Variants in RIF1 observed in about 807,000 individuals in gnomAD.
RIF1 encodes the protein telomere-associated protein RIF1.
In RIF1, 45 loss-of-function variants were observed where a neutral mutation model predicts 247.1. The observed-to-expected ratio is 0.18, with a 90% CI of 0.14 to 0.23. The LOEUF is 0.23. Among genes scored for constraint, RIF1 ranks in the 10% least tolerant of loss-of-function variants. The probability of loss-of-function intolerance (pLI) is 1.00; values close to 1 mark genes in which losing one functional copy is unlikely to be tolerated. For missense variants in RIF1, 2,967 were observed against 2,862.5 expected (o/e 1.04, Z -0.83); for synonymous variants, 1,087 against 978.8 (o/e 1.11, Z -2.06).
At chr2:151,432,584 A>G (rs1690362903) in intron 9 of RIF1, among the ~76,000 whole-genome samples, 1 of 152,218 alleles carries the variant, frequency 6.6e-6, no homozygotes, top group African/African-American at 2.4e-5. Flanking sequence ...GCCTTTTTTG[A>G]CATAATGTAA....
At chr2:151,496,636 G>A (rs73005917) in intron 10 of RIF1, among the ~76,000 whole-genome samples, 9,317 of 151,876 alleles carry the variant, frequency 0.061, 939 homozygotes, top group African/African-American at 0.21. Context: ...TTGTGAGTAC[G>A]GTGCCTCCTA....
At chr2:151,442,525 T>C (rs567767860) in intron 16 of RIF1, among the ~76,000 whole-genome samples, 4 of 151,754 alleles carry the variant, frequency 2.6e-5, no homozygotes, top group Admixed American at 2.6e-4. Flanking sequence ...ATGAAAAAAC[T>C]ATTTTCCTGG....
chr2:151,511,670 C>T (rs1234205204), downstream of RIF1, among the ~76,000 whole-genome samples: 2 of 152,190 alleles, frequency 1.3e-5, no homozygotes, highest in African/African-American at 4.8e-5. Flanking sequence ...GACTCCTGAC[C>T]ATCACTGACA....
At position 151,475,383 on chromosome 2, in the gene RIF1, C is replaced by T. The variant is rs770149482; in HGVS notation, c.*312C>T. 16 of 277,664 alleles carry T rather than the reference C, an allele frequency of 5.8e-5. No individual in the cohort carries two copies. The highest frequency in any genetic ancestry group is 1.3e-3 in the Middle Eastern group (1 of 796). The allele number at this position is 277,664 out of a possible 1,614,324, so 17.2% of individuals were successfully genotyped here. On this transcript the variant is annotated 3_prime_UTR_variant, in exon 36 of 36. Transcript: ENST00000444746. The stretch of plus-strand genomic sequence containing the variant: ...ATTTTATTTCATGCTTTCTTAAACC[C>T]GTGCATATTCTGGTGAAACATGTAA...
chr2:151,476,861 G>C lies in RIF1; in HGVS notation c.*1790G>C, dbSNP rs2048952541. 6.6e-6 allele frequency: 1 copy of C among 152,216 alleles called. No homozygotes were observed. The highest frequency in any genetic ancestry group is 2.1e-4 in the South Asian group (1 of 4,826). The allele number at this position is 152,216 out of a possible 1,614,324, so 9.4% of individuals were successfully genotyped here. On this transcript the variant is annotated 3_prime_UTR_variant, in exon 36 of 36. Transcript: ENST00000444746. ...CAGCTATGTATATGTGTTTGGGGCAGAGGGGAGCAGATTACTTTAACACAC... is the reference window on the plus strand; with the variant it reads ...CAGCTATGTATATGTGTTTGGGGCACAGGGGAGCAGATTACTTTAACACAC...
chr2:151,438,613 G>A (rs1277895051), intron 13 of RIF1, 71 bp from the exon 14 acceptor site: 1 of 938,252 alleles, frequency 1.1e-6, no homozygotes, highest in African/African-American at 1.6e-5. Context: ...GGAAGTAAAG[G>A]GAGAGTGTTA....
chr2:151,425,755 C>T (rs1295923008), intron 8 of RIF1, among the ~76,000 whole-genome samples: 1 of 134,804 alleles, frequency 7.4e-6, no homozygotes, highest in African/African-American at 2.8e-5. Context: ...CAACCTCTGT[C>T]TCCTGGGTTC....
intron 34 of RIF1, among the ~76,000 whole-genome samples, chr2:151,470,732 A>G (rs1456907555): frequency 6.6e-6 from 1 of 152,140 alleles, no homozygotes; most frequent in Admixed American, 6.5e-5. Flanking sequence ...GTATTCTTGA[A>G]GGTCCTTGAT....
At chr2:151,474,705 T>C (rs2048843047) in intron 35 of RIF1, 152 bp from the exon 36 acceptor site, 2 of 613,344 alleles carry the variant, frequency 3.3e-6, no homozygotes, top group Non-Finnish European at 5.7e-6. Context: ...GCGGCAGCTC[T>C]GGTAGATTTT....
chr2:151,410,589 G>A (rs964030882), intron 2 of RIF1, 62 bp downstream of exon 2: 6 of 1,298,050 alleles, frequency 4.6e-6, no homozygotes, highest in Non-Finnish European at 6.6e-6. Context: ...GAAAGAAGGT[G>A]GTTGGGAGGG....
chr2:151,453,077 A>T (rs1694601292), intron 21 of RIF1, among the ~76,000 whole-genome samples: 1 of 152,172 alleles, frequency 6.6e-6, no homozygotes, highest in Non-Finnish European at 1.5e-5. Flanking sequence ...AAATTTAGAG[A>T]AATACTGCAA....
At chr2:151,503,530 C>G in intron 12 of RIF1, 1 of 795,632 alleles carries the variant, frequency 1.3e-6, no homozygotes, top group Non-Finnish European at 2.1e-6. Context: ...GGGGGAAACT[C>G]ATAAAAACAA....
chr2:151,507,477 C>T (rs1054187722), intron 13 of RIF1, among the ~76,000 whole-genome samples: 4 of 152,186 alleles, frequency 2.6e-5, no homozygotes, highest in Admixed American at 6.5e-5. Context: ...TAAGCCTCTC[C>T]TTCCAGAAGG....
chr2:151,498,570 A>G (rs986589205), intron 10 of RIF1, among the ~76,000 whole-genome samples: 1 of 152,194 alleles, frequency 6.6e-6, no homozygotes, highest in African/African-American at 2.4e-5. Flanking sequence ...ATAGGAAAAG[A>G]AAGGTTGTTA....
the RIF1 span, chr2:151,518,893 A>G: frequency 2.0e-6 from 2 of 993,642 alleles, no homozygotes; most frequent in Non-Finnish European, 3.2e-6. Flanking sequence ...AAGAAGATGC[A>G]TCTGGGCTCA....
the RIF1 span, chr2:151,519,522 A>T: frequency 2.9e-6 from 2 of 690,876 alleles, no homozygotes; most frequent in East Asian, 2.7e-5. Flanking sequence ...TTCTGTTGGT[A>T]TGAAAACATT....
chr2:151,465,587 G>A lies in RIF1; in HGVS notation c.6067G>A (p.Glu2023Lys), dbSNP rs773467800. 3 of 1,613,836 alleles carry A rather than the reference G, an allele frequency of 1.9e-6. No homozygotes were observed. Among genetic ancestry groups the A allele is most frequent in the African/African-American group, 1.3e-5 (1 of 74,924 alleles). Residue 2023 changes from glutamate to lysine, a missense_variant, in exon 30 of 36, where the codon GAA becomes AAA. Glu to Lys is a moderately conservative substitution (Grantham distance 56, BLOSUM62 1). Coordinates refer to ENST00000444746, the MANE Select transcript of RIF1 (RefSeq NM_018151.5). ...ETNTKMKNNE[E>K]MMIGEAMAET... Reference sequence around the variant, plus strand: ...GAATACCAAAATGAAAAATAATGAAGAAATGATGATCGGCGAGGCAATGGC... The same window carrying A: ...GAATACCAAAATGAAAAATAATGAAAAAATGATGATCGGCGAGGCAATGGC...
At chr2:151,435,424 T>TG (rs1558962272) in intron 10 of RIF1, 39 bp from the exon 11 acceptor site, 7 of 1,128,962 alleles carry the variant, frequency 6.2e-6, no homozygotes, top group Non-Finnish European at 9.4e-6. Flanking sequence ...CTGTGACAGT[T>TG]GTATAGTTTA....
intron 9 of RIF1, chr2:151,491,881 T>C (rs1337342475): frequency 6.7e-6 from 7 of 1,046,978 alleles, no homozygotes; most frequent in African/African-American, 4.8e-5. Flanking sequence ...ATCACACTTA[T>C]TCCAGCTTAG....
Sources: allele counts gnomAD v4.1 joint callset (sites outside exome capture counted in the v4.1 genomes callset), GRCh38; gene constraint gnomAD v4.1.1; transcripts MANE v1.5; gene names NCBI Gene and HGNC (gene_info 2026-07-23, HGNC 2026-07-21).